Variants in PDE6A observed in about 807,000 individuals in gnomAD.
The protein encoded by PDE6A is rod cGMP-specific 3',5'-cyclic phosphodiesterase subunit alpha.
In PDE6A, 84 loss-of-function variants were observed where a neutral mutation model predicts 106.3. That is an observed-to-expected ratio of 0.79 (90% CI 0.66 to 0.95). The LOEUF is 0.95. PDE6A is among the 40% of genes least tolerant of loss of function. PDE6A has a pLI of 0.00. For missense variants in PDE6A, 1,052 were observed against 1,084.9 expected, an observed-to-expected ratio of 0.97 and a Z score of 0.43; for synonymous variants, 394 against 386.6, an observed-to-expected ratio of 1.02 and a Z score of -0.23.
rs1760109992 is a variant in PDE6A at position 149,860,884 on chromosome 5, C to A, written c.*11G>T. 1 of 1,610,994 alleles carries A rather than the reference C, an allele frequency of 6.2e-7. No individual in the cohort carries two copies. The highest frequency in any genetic ancestry group is 8.5e-7 in the Non-Finnish European group (1 of 1,177,146). ...GGGTGGTGCCGTCCAGCCAGCACAT[C>A]CCCAGTGGTGTTACTGGATGCAGCA... On this transcript the variant is annotated 3_prime_UTR_variant, in exon 22 of 22. Coordinates refer to ENST00000255266, the MANE Select transcript of PDE6A (RefSeq NM_000440.3).
At chr5:149,937,054 A>G (rs1045355867) in intron 1 of PDE6A, among the ~76,000 whole-genome samples, 2 of 152,226 alleles carry the variant, frequency 1.3e-5, no homozygotes, top group African/African-American at 4.8e-5. Context: ...TTTGAAGGAA[A>G]TGGACTGGAT....
At chr5:149,919,933 G>A (rs886778158) in intron 5 of PDE6A, among the ~76,000 whole-genome samples, 7 of 148,002 alleles carry the variant, frequency 4.7e-5, no homozygotes, top group Non-Finnish European at 9.1e-5. Flanking sequence ...CCTAAGATTC[G>A]GGAACATTAA....
At chr5:149,907,575 A>G (rs1436859186) in intron 6 of PDE6A, among the ~76,000 whole-genome samples, 197 bp from the exon 7 acceptor site, 1 of 152,240 alleles carries the variant, frequency 6.6e-6, no homozygotes, top group Non-Finnish European at 1.5e-5. Context: ...GGTGGCAAAT[A>G]TAACATTTTA....
chr5:149,876,556 G>A (rs1760749613), intron 17 of PDE6A, among the ~76,000 whole-genome samples: 1 of 152,008 alleles, frequency 6.6e-6, no homozygotes, highest in South Asian at 2.1e-4. Context: ...CGGCTGGAGT[G>A]TGGTGGTTCC....
chr5:149,915,181 C>G (rs1753514222), intron 5 of PDE6A, among the ~76,000 whole-genome samples, 174 bp from the exon 6 acceptor site: 2 of 151,712 alleles, frequency 1.3e-5, no homozygotes, highest in African/African-American at 4.8e-5. Context: ...ACTACAGGCA[C>G]GCACCACCAT....
intron 17 of PDE6A, among the ~76,000 whole-genome samples, chr5:149,882,484 G>A (rs1213294207): frequency 6.6e-6 from 1 of 151,962 alleles, no homozygotes; most frequent in Non-Finnish European, 1.5e-5. Context: ...CATTTGGCTT[G>A]GGCCACATAT....
chr5:149,874,751 C>A (rs1165313332), intron 17 of PDE6A, among the ~76,000 whole-genome samples: 1 of 152,120 alleles, frequency 6.6e-6, no homozygotes, highest in African/African-American at 2.4e-5. Context: ...GTCATCCCAT[C>A]AGAACAAAAG....
chr5:149,876,809 CA>C (rs1279954026), intron 17 of PDE6A, among the ~76,000 whole-genome samples: 1 of 151,992 alleles, frequency 6.6e-6, no homozygotes, highest in Non-Finnish European at 1.5e-5. Flanking sequence ...AAGCATGTTA[CA>C]ATACATCCAA....
intron 1 of PDE6A, among the ~76,000 whole-genome samples, chr5:149,936,615 T>C (rs1161468590): frequency 3.9e-5 from 6 of 152,206 alleles, no homozygotes; most frequent in Non-Finnish European, 7.3e-5. Context: ...GGAACTCCCC[T>C]CATGAGTACT....
intron 12 of PDE6A, among the ~76,000 whole-genome samples, chr5:149,895,721 A>G (rs1752720175): frequency 6.6e-6 from 1 of 152,030 alleles, no homozygotes; most frequent in South Asian, 2.1e-4. Flanking sequence ...GACTTGTTAA[A>G]ACAGTTTCTG....
chr5:149,883,445 G>C lies in PDE6A; in HGVS notation c.2119C>G (p.Arg707Gly). Residue 707 changes from arginine (R) to glycine (G), a missense_variant, in exon 17 of 22, where the codon CGG becomes GGG. Transcript: ENST00000255266. The stretch of plus-strand genomic sequence containing the variant: ...CCAACTCACATAACGATTTCCTTCC[G>C]TGTCTGCTCCAGCATCATGTACTGT... Reference protein sequence around the residue: ...WTQYMMLEQTRKEIVMAMMMT... With the variant: ...WTQYMMLEQTGKEIVMAMMMT... 1 of 1,611,522 alleles carries C rather than the reference G, an allele frequency of 6.2e-7. No homozygotes were observed.
chr5:149,865,977 C>T (rs570929981), intron 20 of PDE6A, among the ~76,000 whole-genome samples, 193 bp downstream of exon 20: 1 of 152,216 alleles, frequency 6.6e-6, no homozygotes, highest in South Asian at 2.1e-4. Flanking sequence ...ATGTACCGTA[C>T]GCTGGAGCCT....
chr5:149,899,606 C>T (rs1752893766), intron 8 of PDE6A, 82 bp from the exon 9 acceptor site: 2 of 1,385,676 alleles, frequency 1.4e-6, no homozygotes, highest in African/African-American at 1.4e-5. Flanking sequence ...TACATCATGA[C>T]CCTGATTGGC....
At chr5:149,933,496 G>A (rs1581211051) in intron 3 of PDE6A, among the ~76,000 whole-genome samples, 2 of 152,064 alleles carry the variant, frequency 1.3e-5, no homozygotes, top group African/African-American at 4.8e-5. Flanking sequence ...TTTACATTGG[G>A]TCCAGCTCTT....
rs147047715 is a variant in PDE6A at position 149,884,570 on chromosome 5, T to C, written c.1936A>G (p.Ile646Val). The C allele has an allele frequency of 1.0e-4, 166 of 1,613,186 alleles. 2 individuals are homozygous for C. The East Asian group carries it at 2.8e-3, about 27-fold the overall frequency. The change falls in exon 16 of 22, where the codon ATC becomes GTC. Residue 646 changes from isoleucine to valine, a missense_variant. Ile to Val is a conservative substitution (Grantham distance 29). This residue lies in a region of PDE6A where 913 missense variants were observed against 915.2 expected (regional missense o/e 1.00). Coordinates refer to ENST00000255266, the MANE Select transcript of PDE6A (RefSeq NM_000440.3). Reference sequence around the variant, plus strand: ...TGTCGACGATTGAGGTTTTGAAAGATATTCAGGCTCTAAAGAAAAAAAGAG... The same window carrying C: ...TGTCGACGATTGAGGTTTTGAAAGACATTCAGGCTCTAAAGAAAAAAAGAG... ...KTLLRDESLN[I>V]FQNLNRRQHE...
At position 149,860,637 on chromosome 5, in the gene PDE6A, ATT is replaced by A; in HGVS notation, c.*256_*257del. ...ATAAACTTTCTTAAAACATTATGAA[ATT>A]TTTTTTTTTGGCGATTTTTTTTTTT... is the stretch of plus-strand genomic sequence containing the variant. On this transcript the variant is annotated 3_prime_UTR_variant, in exon 22 of 22. Coordinates refer to ENST00000255266, the MANE Select transcript of PDE6A (RefSeq NM_000440.3). The A allele has an allele frequency of 2.0e-5, 7 of 347,438 alleles. No homozygotes were observed. Among genetic ancestry groups the A allele is most frequent in the South Asian group, 5.8e-5 (1 of 17,304 alleles). 21.5% of individuals were successfully genotyped at this position (347,438 alleles called of 1,614,324 possible).
chr5:149,899,623 G>T, intron 8 of PDE6A, 99 bp from the exon 9 acceptor site: 1 of 1,129,862 alleles, frequency 8.9e-7, no homozygotes, highest in Non-Finnish European at 1.3e-6. Context: ...TGGCTGAGAG[G>T]AGGTGGCAAG....
chr5:149,934,750 C>A (rs1433922341), intron 1 of PDE6A, 32 bp from the exon 2 acceptor site: 11 of 1,612,096 alleles, frequency 6.8e-6, no homozygotes, highest in Non-Finnish European at 9.3e-6. Flanking sequence ...CACGGACAGG[C>A]AAATGAAGAG....
chr5:149,911,465 A>G (rs940127069), intron 6 of PDE6A, among the ~76,000 whole-genome samples: 2 of 152,214 alleles, frequency 1.3e-5, no homozygotes, highest in African/African-American at 2.4e-5. Flanking sequence ...AAGCCATTTG[A>G]GATCTGTAGA....
Sources: allele counts gnomAD v4.1 joint callset (sites outside exome capture counted in the v4.1 genomes callset), GRCh38; gene constraint gnomAD v4.1.1; regional missense constraint gnomAD v4.1.1; transcripts MANE v1.5; gene names NCBI Gene and HGNC (gene_info 2026-07-23, HGNC 2026-07-21).